Variants in SCAF1 observed in about 807,000 individuals in gnomAD.
SCAF1 encodes the protein splicing factor, arginine/serine-rich 19.
In SCAF1, 28 loss-of-function variants were observed where a neutral mutation model predicts 91.2. That is an observed-to-expected ratio of 0.31 (90% CI 0.23 to 0.42). The LOEUF (loss-of-function observed/expected upper bound fraction) is 0.42. Ranked by LOEUF, SCAF1 falls within the 10% of genes least tolerant of loss-of-function variation. The probability of loss-of-function intolerance (pLI) is 1.00; values close to 1 mark genes in which losing one functional copy is unlikely to be tolerated. For synonymous variants in SCAF1, 1,036 were observed against 833.7 expected (o/e 1.24, Z -4.18); for missense variants, 1,893 against 1,872.1 (o/e 1.01, Z -0.21).
intron 9 of SCAF1, among the ~76,000 whole-genome samples, chr19:49,656,013 T>A (rs959264658): frequency 2.6e-5 from 4 of 152,232 alleles, no homozygotes; most frequent in Non-Finnish European, 5.9e-5. Flanking sequence ...AGCCAGACGG[T>A]GACGTTGGCC....
chr19:49,653,422 C>T lies in SCAF1; in HGVS notation c.3033C>T (p.Ala1011=). 6.4e-7 allele frequency: 1 copy of T among 1,550,474 alleles called. No homozygotes were observed. The highest frequency in any genetic ancestry group is 1.2e-5 in the South Asian group (1 of 81,232). ...AGGTCTCCTTCCTGCCCGAGGAGGC[C>T]ACTGAGGAGGCTGGGGTCCGAGGTG... is the stretch of plus-strand genomic sequence containing the variant. ...TPEVSFLPEE[A]TEEAGVRGGA... is the part of the protein sequence containing the mutation. Residue 1011 remains alanine, a synonymous_variant, in exon 7 of 11, where the codon GCC becomes GCT. Transcript: ENST00000360565.
intron 7 of SCAF1, 118 bp downstream of exon 7, chr19:49,653,823 C>T: frequency 2.9e-6 from 3 of 1,026,670 alleles, no homozygotes; most frequent in Non-Finnish European, 4.0e-6. Flanking sequence ...GGGACATAGA[C>T]TGGGAGGGTG....
At chr19:49,643,659 G>A (rs2081039278) in intron 1 of SCAF1, among the ~76,000 whole-genome samples, 1 of 152,212 alleles carries the variant, frequency 6.6e-6, no homozygotes, top group African/African-American at 2.4e-5. Flanking sequence ...TCAGCCTGTA[G>A]TCAGCAGATG....
In SCAF1 at chr19:49,646,501, G is replaced by A. The variant is rs191844104; in HGVS notation, c.262-25G>A. 1,940 of 1,601,212 alleles carry A rather than the reference G, an allele frequency of 1.2e-3. 5 individuals are homozygous for A. The highest frequency in any genetic ancestry group is 1.5e-3 in the Middle Eastern group (9 of 6,032). On this transcript the variant is annotated intron_variant, in intron 4 of 10. Transcript: ENST00000360565. The surrounding 1 kb of genome is among the most constrained non-coding windows in gnomAD (Gnocchi z 5.6). ...CAGTCTTCATGTGACCAGGGACGGC[G>A]TAGAGCCTCTCTGGCCTCTTCCAGG...
chr19:49,646,042 C>G lies in SCAF1; in HGVS notation c.167-66C>G, dbSNP rs1238204767. 2 of 1,448,222 alleles carry G rather than the reference C, an allele frequency of 1.4e-6. No homozygotes were observed. Among genetic ancestry groups the G allele is most frequent in the African/African-American group, 1.4e-5 (1 of 71,348 alleles). The allele number at this position is 1,448,222 out of a possible 1,614,324, so 89.7% of individuals were successfully genotyped here. ...CAGGAACTAGATCAAGCTCCTCTTT[C>G]CTCTACCCCGCAAGTCTCTGCAGCA... On this transcript the variant is annotated intron_variant, in intron 3 of 10. Coordinates refer to ENST00000360565, the MANE Select transcript of SCAF1 (RefSeq NM_021228.3). The surrounding 1 kb of genome is among the most constrained non-coding windows in gnomAD (Gnocchi z 5.6).
intron 9 of SCAF1, among the ~76,000 whole-genome samples, chr19:49,657,356 C>T (rs900326901): frequency 1.3e-5 from 2 of 151,182 alleles, no homozygotes; most frequent in Admixed American, 6.6e-5. Context: ...TAAACTGAGT[C>T]CTCCCCGCTC....
In SCAF1 at chr19:49,645,441, C is replaced by T. The variant is rs897577442; in HGVS notation, c.166+30C>T. On this transcript the variant is annotated intron_variant, in intron 3 of 10. Coordinates refer to ENST00000360565, the MANE Select transcript of SCAF1 (RefSeq NM_021228.3). The surrounding 1 kb of genome is among the most constrained non-coding windows in gnomAD (Gnocchi z 4.6). ...GGCGGCTTCCGGTTCCTTTTAGCCC[C>T]TGCCCCCTCTCTGCATTCTTTATCC... The T allele has an allele frequency of 3.8e-6, 6 of 1,597,028 alleles. No individual in the cohort carries two copies. In the Admixed American group the frequency reaches 7.1e-5, roughly 19 times the overall value.
At chr19:49,654,076 G>A (rs938397939) in intron 7 of SCAF1, among the ~76,000 whole-genome samples, 1 of 152,150 alleles carries the variant, frequency 6.6e-6, no homozygotes, top group Non-Finnish European at 1.5e-5. Flanking sequence ...TGGCCACAGC[G>A]GGTCAGGAGG....
At chr19:49,644,674 G>C (rs920405016) in intron 1 of SCAF1, among the ~76,000 whole-genome samples, 1 of 152,226 alleles carries the variant, frequency 6.6e-6, no homozygotes, top group Non-Finnish European at 1.5e-5. Flanking sequence ...TTGCCTCTTA[G>C]GAGGCCAGGG....
At position 49,646,816 on chromosome 19, in the gene SCAF1, G is replaced by A; in HGVS notation, c.464G>A (p.Arg155Lys). 2 of 1,612,298 alleles carry A rather than the reference G, an allele frequency of 1.2e-6. No homozygotes were observed. The highest frequency in any genetic ancestry group is 2.7e-5 in the African/African-American group (2 of 75,002). ...PSLLPRLRAW[R>K]TGKTVSPQSN... ...CTGCTGCCCCGTCTCAGGGCCTGGA[G>A]GACGGGCAAAACGGGTATGTGGGGC... The change falls in exon 6 of 11, where the codon AGG becomes AAG. Residue 155 changes from arginine (R) to lysine (K), a missense_variant. Around this residue, in one of 5 missense-constraint regions of SCAF1, gnomAD observed 270 missense variants for 292.5 expected, o/e 0.92. Coordinates refer to ENST00000360565, the MANE Select transcript of SCAF1 (RefSeq NM_021228.3). This position sits in a 1 kb window ranked among gnomAD's most constrained non-coding sequence, Gnocchi z 5.6.
At chr19:49,649,748 G>A (rs757548731) in intron 6 of SCAF1, among the ~76,000 whole-genome samples, 2 of 152,168 alleles carry the variant, frequency 1.3e-5, no homozygotes, top group Non-Finnish European at 2.9e-5. Context: ...ATCCACCTCG[G>A]CCTCCCAAAG....
At chr19:49,658,103 A>G (rs570402216) in intron 10 of SCAF1, 105 bp from the exon 11 acceptor site, 2 of 1,328,928 alleles carry the variant, frequency 1.5e-6, no homozygotes, top group Admixed American at 4.4e-5. Flanking sequence ...TGGCCTGGTT[A>G]TTGGGGAAGC....
chr19:49,658,099 G>A, intron 10 of SCAF1, 109 bp from the exon 11 acceptor site: 1 of 1,317,642 alleles, frequency 7.6e-7, no homozygotes, highest in African/African-American at 1.5e-5. Context: ...ACTTTGGCCT[G>A]GTTATTGGGG....
Position 49,653,612 on chromosome 19 carries a change from G to A in SCAF1, c.3223G>A (p.Ala1075Thr). The A allele has an allele frequency of 1.3e-6, 2 of 1,585,394 alleles. No homozygotes were observed. The highest frequency in any genetic ancestry group is 4.5e-5 in the East Asian group (2 of 44,076). ...TGACTCGGGGGCGGAGGACGGGCCA[G>A]CTTCCCGTGTCTCCCAGCTGCCCAC... ...AGDSGAEDGP[A>T]SRVSQLPTLP... Residue 1075 changes from alanine to threonine, a missense_variant, in exon 7 of 11, where the codon GCT becomes ACT. Coordinates refer to ENST00000360565, the MANE Select transcript of SCAF1 (RefSeq NM_021228.3).
chr19:49,653,670 C>G lies in SCAF1; in HGVS notation c.3281C>G (p.Ala1094Gly). The change falls in exon 7 of 11, where the codon GCT (alanine) becomes GGT (glycine). Residue 1094 changes from alanine (A) to glycine (G), a missense_variant. This residue lies in a region of SCAF1 where 1,436 missense variants were observed against 1,306.8 expected (regional missense o/e 1.10). Coordinates refer to ENST00000360565, the MANE Select transcript of SCAF1 (RefSeq NM_021228.3). ...LPPPMPWNLP[A>G]GVDCTTSGVL... is the part of the protein sequence containing the mutation. ...CCGCCCATGCCCTGGAATCTGCCAG[C>G]TGGTGTGGACTGCACCACCAGCGGC... 6.3e-7 allele frequency: 1 copy of G among 1,586,144 alleles called. No homozygotes were observed. Among genetic ancestry groups the G allele is most frequent in the Non-Finnish European group, 8.5e-7 (1 of 1,171,450 alleles).
Position 49,646,268 on chromosome 19 carries a change from A to C in SCAF1, c.261+66A>C. 1 of 1,026,502 alleles carries C rather than the reference A, an allele frequency of 9.7e-7. No homozygotes were observed. Among genetic ancestry groups the C allele is most frequent in the East Asian group, 2.7e-5 (1 of 36,818 alleles). The allele number at this position is 1,026,502 out of a possible 1,614,324, so 63.6% of individuals were successfully genotyped here. ...TCAGGGAGGAAGGGATGGGGGCCTG[A>C]GTCTGGGGGAATGGGGTTTGGGGAC... On this transcript the variant is annotated intron_variant, in intron 4 of 10. Transcript: ENST00000360565. The surrounding 1 kb of genome is among the most constrained non-coding windows in gnomAD (Gnocchi z 5.6).
At position 49,654,418 on chromosome 19, in the gene SCAF1, A is replaced by G. The variant is rs746284323; in HGVS notation, c.3386A>G (p.Gln1129Arg). Residue 1129 changes from glutamine to arginine, a missense_variant, in exon 8 of 11, where the codon CAG becomes CGG. Gln to Arg is a conservative substitution (Grantham distance 43). Around this residue, in one of 5 missense-constraint regions of SCAF1, gnomAD observed 1,436 missense variants for 1,306.8 expected, o/e 1.10. Transcript: ENST00000360565. ...ASRAKAQELI[Q>R]ATNQILSHRK... Reference sequence around the variant, plus strand: ...CGAGCGAAGGCCCAGGAGCTGATCCAGGCCACCAACCAGGTGGGCTCCCCT... The same window carrying G: ...CGAGCGAAGGCCCAGGAGCTGATCCGGGCCACCAACCAGGTGGGCTCCCCT... 2 of 1,613,300 alleles carry G rather than the reference A, an allele frequency of 1.2e-6. No individual in the cohort carries two copies.
chr19:49,644,988 C>T, intron 1 of SCAF1, 33 bp from the exon 2 acceptor site: 1 of 1,515,720 alleles, frequency 6.6e-7, no homozygotes, highest in Non-Finnish European at 9.1e-7. Flanking sequence ...CTCCCGGGAC[C>T]TCCACTCCAA....
At position 49,645,488 on chromosome 19, in the gene SCAF1, T is replaced by G; in HGVS notation, c.166+77T>G. On this transcript the variant is annotated intron_variant, in intron 3 of 10. Transcript: ENST00000360565. This position sits in a 1 kb window ranked among gnomAD's most constrained non-coding sequence, Gnocchi z 4.6. ...ATCCTAATGTCATTCATACAAGCTT[T>G]TCTGAAGCCTCCTGGGTGCCACCCT... 3.4e-6 allele frequency: 5 copies of G among 1,457,486 alleles called. No homozygotes were observed. The highest frequency in any genetic ancestry group is 4.7e-6 in the Non-Finnish European group (5 of 1,059,936). 90.3% of individuals were successfully genotyped at this position (1,457,486 alleles called of 1,614,324 possible).
Sources: allele counts gnomAD v4.1 joint callset (sites outside exome capture counted in the v4.1 genomes callset), GRCh38; gene constraint gnomAD v4.1.1; regional missense constraint gnomAD v4.1.1; non-coding constraint Gnocchi (gnomAD v3.1); transcripts MANE v1.5; gene names NCBI Gene and HGNC (gene_info 2026-07-23, HGNC 2026-07-21).